The following EPHA5 variants were observed in gnomAD, a reference collection of about 807,000 sequenced individuals.
The protein encoded by EPHA5 is ephrin type-A receptor 5.
In EPHA5, 60 loss-of-function variants were observed where a neutral mutation model predicts 105.0. That is an observed-to-expected ratio of 0.57 (90% CI 0.46 to 0.71). The LOEUF is 0.71. EPHA5 is among the 30% of genes least tolerant of loss of function. The pLI, the probability that EPHA5 is intolerant of heterozygous loss-of-function variation, is 0.00. For missense variants in EPHA5, 1,218 were observed against 1,274.7 expected (o/e 0.96, Z 0.68); for synonymous variants, 513 against 449.1 (o/e 1.14, Z -1.80).
rs1246765299 is a variant in EPHA5 at position 65,632,963 on chromosome 4, G to T, written c.246+10400C>A. Among the ~76,000 whole-genome samples the T allele has an allele frequency of 2.0e-5, 3 of 151,986 alleles. No individual in the cohort carries two copies. In the East Asian group the frequency reaches 5.8e-4, roughly 29 times the overall value. On this transcript the variant is annotated intron_variant, in intron 2 of 16. Transcript: ENST00000613740. ...GAAATTTATATGAATCATTTGTAGA[G>T]TTAAGATGAAAGAAATGAGCTCATT...
At chr4:65,528,892 A>T (rs1488688969) in intron 3 of EPHA5, among the ~76,000 whole-genome samples, 1 of 152,146 alleles carries the variant, frequency 6.6e-6, no homozygotes, top group Non-Finnish European at 1.5e-5. Context: ...GAAGGACTCT[A>T]CTTCAAATTA....
At chr4:65,546,111 C>A (rs1737346053) in intron 3 of EPHA5, among the ~76,000 whole-genome samples, 1 of 151,970 alleles carries the variant, frequency 6.6e-6, no homozygotes, top group African/African-American at 2.4e-5. Context: ...TGGATGACCT[C>A]TGTTCCAAAG....
chr4:65,351,413 A>G lies in EPHA5; in HGVS notation c.2421T>C (p.Asp807=), dbSNP rs1560441342. ...CCCTTGTGGTGTAGGCTGCCTCGGG[A>G]TCATCTTCCAGTACCCGGGAAAGTC... ...DFGLSRVLED[D]PEAAYTTRGG... Residue 807 remains aspartate, a synonymous_variant, in exon 13 of 17, where the codon GAT becomes GAC. Coordinates refer to ENST00000613740, the MANE Select transcript of EPHA5 (RefSeq NM_001281766.3). 1.2e-6 allele frequency: 2 copies of G among 1,613,704 alleles called. No homozygotes were observed. Among genetic ancestry groups the G allele is most frequent in the Non-Finnish European group, 1.7e-6 (2 of 1,179,772 alleles).
At chr4:65,535,551 A>C (rs2149310948) in intron 3 of EPHA5, among the ~76,000 whole-genome samples, 1 of 152,274 alleles carries the variant, frequency 6.6e-6, no homozygotes, top group East Asian at 1.9e-4. Context: ...AGTTAGTATT[A>C]TAAATTTTTA....
intron 5 of EPHA5, among the ~76,000 whole-genome samples, chr4:65,473,119 G>A (rs1334093936): frequency 2.0e-5 from 3 of 151,950 alleles, no homozygotes; most frequent in Admixed American, 6.6e-5. Context: ...TCCCAACAAG[G>A]TCCTCATCTC....
intron 3 of EPHA5, among the ~76,000 whole-genome samples, chr4:65,574,627 C>CACATATATATATACATATATATATATAT (rs1740627394): frequency 1.2e-5 from 1 of 85,262 alleles, no homozygotes; most frequent in Non-Finnish European, 2.8e-5. Flanking sequence ...TATATATATA[C>CACATATATATATACATATATATATATAT]ACATATATAT....
At chr4:65,529,377 T>A (rs1168696061) in intron 3 of EPHA5, among the ~76,000 whole-genome samples, 2 of 151,876 alleles carry the variant, frequency 1.3e-5, no homozygotes, top group Non-Finnish European at 2.9e-5. Flanking sequence ...TTGAGTCTCA[T>A]AAACATATAT....
chr4:65,616,428 TACACACACAC>T (rs34942929), intron 2 of EPHA5, among the ~76,000 whole-genome samples: 2 of 143,552 alleles, frequency 1.4e-5, no homozygotes, highest in Admixed American at 7.0e-5. Flanking sequence ...ACTTAATGCA[TACACACACAC>T]ACACACACAC....
At chr4:65,598,245 C>T (rs972506486) in intron 3 of EPHA5, among the ~76,000 whole-genome samples, 1 of 152,042 alleles carries the variant, frequency 6.6e-6, no homozygotes, top group South Asian at 2.1e-4. Context: ...TCACATATGA[C>T]TTAATACCTT....
chr4:65,534,235 C>T (rs1009509263), intron 3 of EPHA5, among the ~76,000 whole-genome samples: 25 of 152,034 alleles, frequency 1.6e-4, no homozygotes, highest in Admixed American at 6.6e-4. Flanking sequence ...ATTTTATTTA[C>T]ACTTATAAAC....
chr4:65,398,749 A>G (rs1721508343), intron 8 of EPHA5, among the ~76,000 whole-genome samples: 1 of 152,106 alleles, frequency 6.6e-6, no homozygotes, highest in Admixed American at 6.5e-5. Flanking sequence ...AGATATTGGG[A>G]CAACATGCCT....
intron 14 of EPHA5, among the ~76,000 whole-genome samples, chr4:65,345,956 T>G (rs1036723497): frequency 5.9e-5 from 9 of 151,914 alleles, no homozygotes; most frequent in Non-Finnish European, 7.4e-5. Context: ...GTATTTTTAG[T>G]AGAGACAGAG....
chr4:65,632,085 A>G (rs1038262006), intron 2 of EPHA5, among the ~76,000 whole-genome samples: 1 of 152,074 alleles, frequency 6.6e-6, no homozygotes, highest in Non-Finnish European at 1.5e-5. Flanking sequence ...CTTGTACAGT[A>G]GGTAGTATTA....
intron 7 of EPHA5, among the ~76,000 whole-genome samples, chr4:65,410,432 G>C (rs1356330531): frequency 6.6e-6 from 1 of 152,242 alleles, no homozygotes; most frequent in East Asian, 1.9e-4. Flanking sequence ...GTTCTTAAAG[G>C]CAGTGGGTGT....
At position 65,487,141 on chromosome 4, in the gene EPHA5, C is replaced by A. The variant is rs1414033142; in HGVS notation, c.1402+3236G>T. 2.0e-5 allele frequency among the ~76,000 whole-genome samples: 3 copies of A among 152,284 alleles called. No individual in the cohort carries two copies. In the East Asian group the frequency reaches 5.8e-4, roughly 29 times the overall value. On this transcript the variant is annotated intron_variant, in intron 5 of 16. Coordinates refer to ENST00000613740, the MANE Select transcript of EPHA5 (RefSeq NM_001281766.3). ...CCTGCAGAACCATGAGCCAATTAAA[C>A]CTCTTTTCTTTATAAATTACCCAGT...
At chr4:65,446,541 G>C (rs1726548590) in intron 5 of EPHA5, among the ~76,000 whole-genome samples, 1 of 152,182 alleles carries the variant, frequency 6.6e-6, no homozygotes, top group Admixed American at 6.6e-5. Context: ...TGGTAGGATA[G>C]TGTACTATGG....
intron 3 of EPHA5, among the ~76,000 whole-genome samples, chr4:65,570,708 A>C (rs1740044454): frequency 6.6e-6 from 1 of 151,982 alleles, no homozygotes. Flanking sequence ...TCTGAAAAAA[A>C]ATCGTAGTAT....
chr4:65,338,256 G>T (rs1721371773), intron 14 of EPHA5, among the ~76,000 whole-genome samples: 1 of 151,968 alleles, frequency 6.6e-6, no homozygotes. Context: ...CTGATTATAA[G>T]ATTTTCCATG....
intron 3 of EPHA5, among the ~76,000 whole-genome samples, chr4:65,532,279 A>G (rs1385845022): frequency 6.6e-6 from 1 of 152,108 alleles, no homozygotes; most frequent in Non-Finnish European, 1.5e-5. Context: ...AAAATCTCCC[A>G]TGAAGTAATG....
Sources: allele counts gnomAD v4.1 joint callset (sites outside exome capture counted in the v4.1 genomes callset), GRCh38; gene constraint gnomAD v4.1.1; transcripts MANE v1.5; gene names NCBI Gene and HGNC (gene_info 2026-07-23, HGNC 2026-07-21).